GLIS1: variants seen among roughly 807,000 people sequenced by gnomAD.
GLIS1 encodes the protein GLIS family zinc finger 1, also known as zinc finger protein GLIS1.
A neutral mutation model predicts 63.8 loss-of-function variants in GLIS1; 24 were observed. The observed-to-expected ratio is 0.38, with a 90% CI of 0.27 to 0.53. The LOEUF (loss-of-function observed/expected upper bound fraction) is 0.53. Among genes scored for constraint, GLIS1 ranks in the 20% least tolerant of loss-of-function variants. The pLI, the probability that GLIS1 is intolerant of heterozygous loss-of-function variation, is 0.85. For synonymous variants in GLIS1, 450 were observed against 482.5 expected (o/e 0.93, Z 0.88); for missense variants, 1,036 against 1,074.1 (o/e 0.96, Z 0.50).
rs919008620 is a variant in GLIS1 at position 53,701,998 on chromosome 1, G to GAAAAAAA, written c.259+35801_259+35807dup. ...ACAGAGCAAGGCTCTACCTAAAAAA[G>GAAAAAAA]AAAAAAAAAAAAAAAAAAAAAAAAG... On this transcript the variant is annotated intron_variant, in intron 2 of 10. Transcript: ENST00000628545. 1.6e-3 allele frequency among the ~76,000 whole-genome samples: 88 copies of GAAAAAAA among 56,192 alleles called. 2 individuals carry two copies. The highest frequency in any genetic ancestry group is 2.7e-3 in the East Asian group (5 of 1,836). The allele number at this position is 56,192 out of a possible 152,430, so 36.9% of individuals were successfully genotyped here. A position where few individuals can be genotyped will look rare whatever the true frequency, so the allele number is the denominator to read the frequency against.
intron 3 of GLIS1, among the ~76,000 whole-genome samples, chr1:53,599,875 G>A (rs142609690): frequency 0.012 from 1,784 of 152,350 alleles, 30 homozygotes; most frequent in African/African-American, 0.041. Context: ...GAAAAGCTTC[G>A]TCTGCTTGTT....
intron 2 of GLIS1, among the ~76,000 whole-genome samples, chr1:53,604,953 TATACACAC>T (rs760742527): frequency 1.9e-4 from 13 of 68,010 alleles, no homozygotes; most frequent in Non-Finnish European, 3.4e-4. Context: ...CATATATATA[TATACACAC>T]ACACACACAC....
intron 2 of GLIS1, among the ~76,000 whole-genome samples, chr1:53,717,458 A>G (rs1303254151): frequency 1.3e-5 from 2 of 152,214 alleles, no homozygotes; most frequent in Non-Finnish European, 2.9e-5. Flanking sequence ...TAAACCAAGA[A>G]AAAGGAAAAT....
chr1:53,605,872 G>C (rs1645364894), intron 2 of GLIS1, among the ~76,000 whole-genome samples: 1 of 152,206 alleles, frequency 6.6e-6, no homozygotes, highest in Non-Finnish European at 1.5e-5. Context: ...GCTTAGAAAT[G>C]CTGGGAGGGT....
At chr1:53,709,367 T>TATATATACATATAC (rs1553140154) in intron 2 of GLIS1, among the ~76,000 whole-genome samples, 6 of 5,866 alleles carry the variant, frequency 1.0e-3, no homozygotes, top group Admixed American at 3.8e-3. Flanking sequence ...TACATATACA[T>TATATATACATATAC]ATATATATAC....
At chr1:53,612,405 A>T (rs1242964000) in intron 2 of GLIS1, among the ~76,000 whole-genome samples, 2 of 151,888 alleles carry the variant, frequency 1.3e-5, no homozygotes, top group Non-Finnish European at 2.9e-5. Flanking sequence ...ACATCCAGCT[A>T]ATTTTTTTGT....
chr1:53,626,899 C>T (rs965040004), intron 2 of GLIS1, among the ~76,000 whole-genome samples: 4 of 152,226 alleles, frequency 2.6e-5, no homozygotes, highest in African/African-American at 4.8e-5. Context: ...CATTCATTTT[C>T]GCTGAATAAA....
At chr1:53,626,223 C>G (rs1645592382) in intron 2 of GLIS1, among the ~76,000 whole-genome samples, 1 of 152,196 alleles carries the variant, frequency 6.6e-6, no homozygotes, top group Non-Finnish European at 1.5e-5. Flanking sequence ...ATTACTGCAG[C>G]TAGTGGGGTT....
intron 4 of GLIS1, among the ~76,000 whole-genome samples, chr1:53,591,668 C>T (rs1645194204): frequency 6.6e-6 from 1 of 152,202 alleles, no homozygotes; most frequent in African/African-American, 2.4e-5. Flanking sequence ...ATCTACCCCA[C>T]AGCATTGTGT....
At chr1:53,506,901 C>T in intron 10 of GLIS1, 125 bp from the exon 11 acceptor site, 1 of 997,332 alleles carries the variant, frequency 1.0e-6, no homozygotes, top group Non-Finnish European at 1.4e-6. Flanking sequence ...GTCGGTGGGG[C>T]CTGCTTGGAG....
At chr1:53,544,506 A>G (rs1042038620) in intron 4 of GLIS1, among the ~76,000 whole-genome samples, 1 of 152,134 alleles carries the variant, frequency 6.6e-6, no homozygotes, top group Non-Finnish European at 1.5e-5. Context: ...TGCAGCAGGG[A>G]GACCCCTAAA....
intron 2 of GLIS1, among the ~76,000 whole-genome samples, chr1:53,701,342 G>A (rs922940317): frequency 6.6e-6 from 1 of 152,114 alleles, no homozygotes; most frequent in Admixed American, 6.5e-5. Flanking sequence ...ATCTCATTGT[G>A]GGTTAGGCAG....
chr1:53,670,268 A>G (rs1296384321), intron 2 of GLIS1, among the ~76,000 whole-genome samples: 2 of 152,242 alleles, frequency 1.3e-5, no homozygotes, highest in Non-Finnish European at 2.9e-5. Context: ...AAACAGAGAC[A>G]GAACAATTCT....
At chr1:53,676,613 C>T (rs1646215450) in intron 2 of GLIS1, among the ~76,000 whole-genome samples, 1 of 152,156 alleles carries the variant, frequency 6.6e-6, no homozygotes. Context: ...CGCACGCACC[C>T]CCAGCCCCAG....
intron 2 of GLIS1, among the ~76,000 whole-genome samples, chr1:53,670,007 A>G (rs764792383): frequency 6.6e-6 from 1 of 152,238 alleles, no homozygotes; most frequent in African/African-American, 2.4e-5. Context: ...ACTCCGTGAC[A>G]ACACATGGAG....
intron 2 of GLIS1, among the ~76,000 whole-genome samples, chr1:53,698,279 C>T (rs1049728672): frequency 2.6e-5 from 4 of 152,258 alleles, no homozygotes; most frequent in African/African-American, 4.8e-5. Context: ...CAGAGGATGA[C>T]GCAGAAGGAG....
chr1:53,518,266 G>A (rs1644372897), intron 7 of GLIS1, among the ~76,000 whole-genome samples: 1 of 152,216 alleles, frequency 6.6e-6, no homozygotes, highest in Non-Finnish European at 1.5e-5. Context: ...TAGCAGCAGG[G>A]AGGTGCGGGC....
At position 53,590,333 on chromosome 1, in the gene GLIS1, C is replaced by T. The variant is rs999323966; in HGVS notation, c.1320+3775G>A. 3.3e-4 allele frequency among the ~76,000 whole-genome samples: 50 copies of T among 152,148 alleles called. 1 individual carries two copies. Among genetic ancestry groups the T allele is most frequent in the African/African-American group, 1.2e-3 (48 of 41,428 alleles). On this transcript the variant is annotated intron_variant, in intron 4 of 10. Transcript: ENST00000628545. ...AGGTCTGTGGGACTCCAGACCTGGG[C>T]TTTTCACCTCTGCACATGCCTTCCG...
At chr1:53,683,286 G>A (rs1557519914) in intron 2 of GLIS1, among the ~76,000 whole-genome samples, 1 of 152,258 alleles carries the variant, frequency 6.6e-6, no homozygotes, top group East Asian at 1.9e-4. Context: ...ACCCGCTAAC[G>A]GGCATCCTCA....
Sources: gnomAD v4.1 joint callset for allele counts (sites outside exome capture counted in the v4.1 genomes callset) on GRCh38, gnomAD v4.1.1 for gene constraint, MANE v1.5 for transcripts, NCBI Gene and HGNC (gene_info 2026-07-23, HGNC 2026-07-21) for gene names.